The following LIN7B variants were observed in gnomAD, a reference collection of about 807,000 sequenced individuals.
LIN7B encodes the protein lin-7 cell polarity scaffold B, also known as protein lin-7 homolog B.
LIN7B carries 16 observed loss-of-function variants against 27.9 expected under a neutral mutation model. The ratio of observed to expected loss-of-function variants is 0.57; its 90% CI spans 0.39 to 0.87. LIN7B has a LOEUF of 0.87. Among genes scored for constraint, LIN7B ranks in the 40% least tolerant of loss-of-function variants. The pLI, the probability that LIN7B is intolerant of heterozygous loss-of-function variation, is 0.00. For missense variants in LIN7B, 291 were observed against 288.5 expected (o/e 1.01, Z -0.06); for synonymous variants, 147 against 120.8 (o/e 1.22, Z -1.42).
At chr19:49,115,207 G>A in intron 2 of LIN7B, 53 bp from the exon 3 acceptor site, 1 of 1,498,378 alleles carries the variant, frequency 6.7e-7, no homozygotes, top group South Asian at 1.2e-5. Context: ...GAACTCCTGC[G>A]TCTAGGGCTG....
chr19:49,117,725 A>G, intron 4 of LIN7B, 130 bp from the exon 5 acceptor site: 1 of 753,472 alleles, frequency 1.3e-6, no homozygotes, highest in Non-Finnish European at 2.2e-6. Flanking sequence ...AATGACTCCC[A>G]CGAGGAGGAC....
chr19:49,116,224 G>T, intron 3 of LIN7B, 39 bp from the exon 4 acceptor site: 1 of 1,579,870 alleles, frequency 6.3e-7, no homozygotes, highest in Non-Finnish European at 8.7e-7. Context: ...ATGCCTACCT[G>T]GAAGGGGCCC....
chr19:49,118,183 A>G, intron 5 of LIN7B, 165 bp downstream of exon 5: 2 of 1,357,372 alleles, frequency 1.5e-6, no homozygotes, highest in Non-Finnish European at 2.0e-6. Flanking sequence ...AGTTTGGCCA[A>G]ATCCCCTGGG....
chr19:49,114,388 G>T lies in LIN7B; in HGVS notation c.-17G>T, dbSNP rs980596168. On this transcript the variant is annotated 5_prime_UTR_variant, in exon 1 of 6. Transcript: ENST00000221459. ...CGGCGCCAGGGCAGGCGGGCGGCTGGCAGCTGTGGCGCCGACATGGCTGCG... is the reference window on the plus strand; with the variant it reads ...CGGCGCCAGGGCAGGCGGGCGGCTGTCAGCTGTGGCGCCGACATGGCTGCG... 2.2e-5 allele frequency: 26 copies of T among 1,196,056 alleles called. No homozygotes were observed. In the Admixed American group the frequency reaches 5.8e-4, roughly 27 times the overall value. 74.1% of individuals were successfully genotyped at this position (1,196,056 alleles called of 1,614,324 possible).
At chr19:49,115,995 G>A (rs1403673898) in intron 3 of LIN7B, 3 of 376,424 alleles carry the variant, frequency 8.0e-6, no homozygotes, top group African/African-American at 6.2e-5. Context: ...GGGCAACAGA[G>A]TGAGACTTCA....
At position 49,117,837 on chromosome 19, in the gene LIN7B, C is replaced by CT. The variant is rs778425074; in HGVS notation, c.439-17dup. The CT allele has an allele frequency of 8.1e-6, 13 of 1,609,956 alleles. No homozygotes were observed. The Admixed American group carries it at 1.5e-4, about 19-fold the overall frequency. On this transcript the variant is annotated splice_polypyrimidine_tract_variant and intron_variant, in intron 4 of 5. Transcript: ENST00000221459. The stretch of plus-strand genomic sequence containing the variant: ...GGCAGCGGGCCCCAGGCTCAGCTGT[C>CT]TGTGTTGGGCCCTGCAGAGCGTTGA...
intron 4 of LIN7B, 95 bp from the exon 5 acceptor site, chr19:49,117,760 G>A: frequency 1.8e-6 from 2 of 1,089,680 alleles, no homozygotes; most frequent in Middle Eastern, 2.8e-4. Context: ...TCTCAGGGCT[G>A]GCACCAGGCT....
intron 4 of LIN7B, among the ~76,000 whole-genome samples, chr19:49,117,245 CAA>C (rs1256318523): frequency 5.5e-5 from 2 of 36,382 alleles, no homozygotes; most frequent in East Asian, 6.4e-4. Context: ...GACTCCCTCT[CAA>C]AAAAAAAAAA....
intron 4 of LIN7B, among the ~76,000 whole-genome samples, chr19:49,117,476 G>A (rs554548567): frequency 1.3e-5 from 2 of 152,200 alleles, no homozygotes; most frequent in South Asian, 4.1e-4. Context: ...GGAGAGATTA[G>A]AAGCCAGGCC....
In LIN7B at chr19:49,114,544, G is replaced by C. The variant is rs924473535; in HGVS notation, c.37+103G>C. The C allele has an allele frequency of 2.1e-5, 19 of 921,354 alleles. No individual in the cohort carries two copies. In the East Asian group the frequency reaches 6.7e-4, roughly 33 times the overall value. The allele number at this position is 921,354 out of a possible 1,614,324, so 57.1% of individuals were successfully genotyped here. ...TCAGGCCAGTGCGGGTGGGCCAGCG[G>C]ACCCGGAGGGGGTGGGCGGGGCGGG... is the stretch of plus-strand genomic sequence containing the variant. On this transcript the variant is annotated intron_variant, in intron 1 of 5. Transcript: ENST00000221459.
intron 3 of LIN7B, 63 bp downstream of exon 3, chr19:49,115,394 CT>C: frequency 7.3e-7 from 1 of 1,369,480 alleles, no homozygotes; most frequent in Non-Finnish European, 1.0e-6. Flanking sequence ...TCAATATCTC[CT>C]TCATGCCAGT....
chr19:49,116,441 G>T lies in LIN7B; in HGVS notation c.407G>T (p.Arg136Leu). ...GVADRHGGLK[R>L]GDQLLSVNGV... is the part of the protein sequence containing the mutation. ...GCTGACCGCCATGGAGGCCTCAAGC[G>T]TGGGGATCAACTGTTGTCGGTGAAC... The change falls in exon 4 of 6, where the codon CGT becomes CTT. Residue 136 changes from arginine to leucine, a missense_variant. Transcript: ENST00000221459. 6.2e-7 allele frequency: 1 copy of T among 1,614,228 alleles called. No individual in the cohort carries two copies. Among genetic ancestry groups the T allele is most frequent in the Non-Finnish European group, 8.5e-7 (1 of 1,180,026 alleles).
chr19:49,117,542 C>G (rs1354372379), intron 4 of LIN7B, among the ~76,000 whole-genome samples: 2 of 152,138 alleles, frequency 1.3e-5, no homozygotes, highest in Non-Finnish European at 2.9e-5. Flanking sequence ...TGAGCTGGCC[C>G]AGGGCTGTGG....
chr19:49,117,120 C>T (rs1360502807), intron 4 of LIN7B, among the ~76,000 whole-genome samples: 3 of 151,912 alleles, frequency 2.0e-5, no homozygotes, highest in African/African-American at 4.8e-5. Flanking sequence ...GTGGCAGGCA[C>T]CTGTAATCCC....
intron 1 of LIN7B, 38 bp downstream of exon 1, chr19:49,114,479 C>T (rs1318269432): frequency 3.3e-6 from 4 of 1,199,506 alleles, no homozygotes; most frequent in African/African-American, 3.2e-5. Flanking sequence ...ACCCGGGCCG[C>T]GGCCTACATA....
chr19:49,115,597 T>G (rs2040813154), intron 3 of LIN7B: 1 of 366,320 alleles, frequency 2.7e-6, no homozygotes, highest in African/African-American at 2.1e-5. Context: ...CTCATGGCGC[T>G]CTGACCTCTC....
In LIN7B at chr19:49,118,112, C is replaced by T. The variant is rs112633444; in HGVS notation, c.602+94C>T. ...GGCCAGTGCTTCCTGGATCTTCCAG[C>T]CCTGGCCCCTCCTCTGGGATCCTGA... On this transcript the variant is annotated intron_variant, in intron 5 of 5. Coordinates refer to ENST00000221459, the MANE Select transcript of LIN7B (RefSeq NM_022165.3). 1,196 of 1,546,146 alleles carry T rather than the reference C, an allele frequency of 7.7e-4. 9 individuals are homozygous for T. The African/African-American group carries it at 0.015, about 20-fold the overall frequency.
chr19:49,118,144 A>AC, intron 5 of LIN7B, 126 bp downstream of exon 5: 1 of 1,476,134 alleles, frequency 6.8e-7, no homozygotes, highest in Non-Finnish European at 9.2e-7. Context: ...CTGACCCTTG[A>AC]CCCTTGGCCC....
Position 49,114,829 on chromosome 19 carries a change from GCCCCGC to G in LIN7B, c.38-10_38-5del. ...GGTCTCTGACACTCGGGGTTTCTGC[GCCCCGC>G]CCCCGCCCCGCAGACGTGTCCCGGG... On this transcript the variant is annotated splice_polypyrimidine_tract_variant and intron_variant, in intron 1 of 5. Coordinates refer to ENST00000221459, the MANE Select transcript of LIN7B (RefSeq NM_022165.3). The G allele has an allele frequency of 2.9e-6, 4 of 1,390,976 alleles. No homozygotes were observed. Among genetic ancestry groups the G allele is most frequent in the Non-Finnish European group, 3.8e-6 (4 of 1,062,790 alleles). 86.2% of individuals were successfully genotyped at this position (1,390,976 alleles called of 1,614,324 possible). A position where few individuals can be genotyped will look rare whatever the true frequency, so the allele number is the denominator to read the frequency against.
Sources: allele counts gnomAD v4.1 joint callset (sites outside exome capture counted in the v4.1 genomes callset), GRCh38; gene constraint gnomAD v4.1.1; transcripts MANE v1.5; gene names NCBI Gene and HGNC (gene_info 2026-07-23, HGNC 2026-07-21).